RALYL: variants seen among roughly 807,000 people sequenced by gnomAD.
RALYL encodes RALY RNA binding protein like.
In RALYL, 29 loss-of-function variants were observed where a neutral mutation model predicts 35.1. The observed-to-expected ratio is 0.83, with a 90% confidence interval of 0.61 to 1.13. RALYL has a LOEUF of 1.13. RALYL is among the 50% of genes most tolerant of loss of function. The pLI, the probability that RALYL is intolerant of heterozygous loss-of-function variation, is 0.00. For missense variants in RALYL, 359 were observed against 360.4 expected, an observed-to-expected ratio of 1.00 and a Z score of 0.03; for synonymous variants, 120 against 127.6, an observed-to-expected ratio of 0.94 and a Z score of 0.40.
At chr8:84,838,009 T>C (rs567040915) in intron 4 of RALYL, among the ~76,000 whole-genome samples, 2 of 152,284 alleles carry the variant, frequency 1.3e-5, no homozygotes, top group East Asian at 3.9e-4. Context: ...CAAATAGTCA[T>C]ACTAAACTAT....
chr8:84,894,931 CTT>C (rs1383879269), intron 8 of RALYL, among the ~76,000 whole-genome samples: 1 of 152,186 alleles, frequency 6.6e-6, no homozygotes, highest in African/African-American at 2.4e-5. Flanking sequence ...AGTCCCATGA[CTT>C]TGAGCAAGCC....
chr8:84,353,537 C>T (rs918717573), intron 1 of RALYL, among the ~76,000 whole-genome samples: 3 of 150,202 alleles, frequency 2.0e-5, no homozygotes, highest in Non-Finnish European at 4.4e-5. Context: ...TATAATTTCC[C>T]TGTAGCTTGA....
At chr8:84,706,855 A>G (rs935059838) in intron 2 of RALYL, among the ~76,000 whole-genome samples, 1 of 152,170 alleles carries the variant, frequency 6.6e-6, no homozygotes, top group Non-Finnish European at 1.5e-5. Context: ...TTATCACTTT[A>G]TCTTTTCTAT....
chr8:84,786,784 G>A (rs1048010723), intron 3 of RALYL, among the ~76,000 whole-genome samples: 5 of 151,972 alleles, frequency 3.3e-5, no homozygotes, highest in Non-Finnish European at 7.4e-5. Flanking sequence ...TAAGTTGTCT[G>A]TTCACTCTGA....
chr8:84,413,887 G>A (rs2044350056), intron 1 of RALYL, among the ~76,000 whole-genome samples: 1 of 151,962 alleles, frequency 6.6e-6, no homozygotes, highest in South Asian at 2.1e-4. Flanking sequence ...AGATTTTGCT[G>A]GATGATATAA....
At chr8:84,270,574 G>T (rs1247022734) in intron 1 of RALYL, among the ~76,000 whole-genome samples, 1 of 151,804 alleles carries the variant, frequency 6.6e-6, no homozygotes, top group African/African-American at 2.4e-5. Flanking sequence ...GTGTGTGTGT[G>T]TGTGTGTGTA....
chr8:84,675,751 C>T (rs1834066343), intron 2 of RALYL, among the ~76,000 whole-genome samples: 1 of 152,192 alleles, frequency 6.6e-6, no homozygotes, highest in Non-Finnish European at 1.5e-5. Context: ...TGGCGTTTCA[C>T]CATAGTCCAT....
chr8:84,552,392 AAGC>A (rs1332483176), intron 2 of RALYL, among the ~76,000 whole-genome samples: 6 of 59,526 alleles, frequency 1.0e-4, no homozygotes, highest in Admixed American at 2.0e-4. Context: ...TTTTTTGAGA[AAGC>A]AGAGACAGCA....
intron 1 of RALYL, among the ~76,000 whole-genome samples, chr8:84,510,726 C>A (rs1216224163): frequency 6.6e-6 from 1 of 151,974 alleles, no homozygotes; most frequent in Non-Finnish European, 1.5e-5. Flanking sequence ...AGGAGAATTG[C>A]TTGAACCTGG....
At chr8:84,821,510 T>G (rs1202714517) in intron 4 of RALYL, among the ~76,000 whole-genome samples, 1 of 152,144 alleles carries the variant, frequency 6.6e-6, no homozygotes, top group Non-Finnish European at 1.5e-5. Context: ...ATGTAAAAAG[T>G]TATTTATTGC....
chr8:84,649,954 C>A (rs1002334953), intron 2 of RALYL, among the ~76,000 whole-genome samples: 14 of 152,074 alleles, frequency 9.2e-5, no homozygotes, highest in Non-Finnish European at 1.9e-4. Context: ...TCTTTTATTT[C>A]ATTGAGCAGT....
At chr8:84,849,432 C>T (rs1470216995) in intron 4 of RALYL, among the ~76,000 whole-genome samples, 1 of 152,170 alleles carries the variant, frequency 6.6e-6, no homozygotes, top group East Asian at 1.9e-4. Context: ...TATGTAGCCT[C>T]ATTGTACATA....
Position 84,647,345 on chromosome 8 carries a change from G to A in RALYL, c.256+117768G>A, listed in dbSNP as rs138882592. Among the ~76,000 whole-genome samples, 4 of 152,132 alleles carry A rather than the reference G, an allele frequency of 2.6e-5. No individual in the cohort carries two copies. The East Asian group carries it at 7.8e-4, about 30-fold the overall frequency. On this transcript the variant is annotated intron_variant, in intron 2 of 8. Coordinates refer to ENST00000521268, the MANE Select transcript of RALYL (RefSeq NM_173848.7). ...AAATGAGGGGAGCTGGACTATGGATGTGCAGGTGAATATGGAAAAGAAGAG... is the reference window on the plus strand; with the variant it reads ...AAATGAGGGGAGCTGGACTATGGATATGCAGGTGAATATGGAAAAGAAGAG...
At chr8:84,823,715 C>T (rs967753830) in intron 4 of RALYL, among the ~76,000 whole-genome samples, 1 of 152,062 alleles carries the variant, frequency 6.6e-6, no homozygotes, top group Non-Finnish European at 1.5e-5. Flanking sequence ...TTTCTTCTCT[C>T]TTTCCTCTTC....
intron 7 of RALYL, 144 bp downstream of exon 7, chr8:84,873,541 T>C (rs1840606642): frequency 4.3e-6 from 2 of 463,050 alleles, no homozygotes; most frequent in Non-Finnish European, 7.7e-6. Context: ...AAGCCCAGAG[T>C]TGCAATAATA....
At chr8:84,423,308 C>T (rs2045911159) in intron 1 of RALYL, among the ~76,000 whole-genome samples, 1 of 150,468 alleles carries the variant, frequency 6.6e-6, no homozygotes, top group South Asian at 2.1e-4. Context: ...ATGTAATGGC[C>T]TTCTTTGTCT....
chr8:84,372,884 C>CTGTTTTTTTTGTTTTGTTT lies in RALYL; in HGVS notation c.-23-156405_-23-156404insGTTTTGTTTTGTTTTTTTT, dbSNP rs1856051374. Among the ~76,000 whole-genome samples the CTGTTTTTTTTGTTTTGTTT allele has an allele frequency of 2.5e-3, 46 of 18,728 alleles. 1 individual carries two copies. The highest frequency in any genetic ancestry group is 0.013 in the African/African-American group (42 of 3,340). The allele number at this position is 18,728 out of a possible 152,430, so 12.3% of individuals were successfully genotyped here. On this transcript the variant is annotated intron_variant, in intron 1 of 8. Transcript: ENST00000521268. ...TTTTTCTCCACAACCATGCCAGCAT[C>CTGTTTTTTTTGTTTTGTTT]TGTTTTTTTTTTTTTTTTTTTTTTT...
At chr8:84,309,024 T>TACAATTATGTATAGCAATTATACTAA (rs1203639602) in intron 1 of RALYL, among the ~76,000 whole-genome samples, 10 of 151,766 alleles carry the variant, frequency 6.6e-5, no homozygotes, top group Admixed American at 2.6e-4. Flanking sequence ...GTATATACTA[T>TACAATTATGTATAGCAATTATACTAA]ACAATTATGT....
At chr8:84,589,865 C>T (rs769562728) in intron 2 of RALYL, among the ~76,000 whole-genome samples, 15 of 152,166 alleles carry the variant, frequency 9.9e-5, no homozygotes, top group Non-Finnish European at 1.9e-4. Context: ...ATTTCTATAT[C>T]ATGTAGCTTG....
Sources: allele counts gnomAD v4.1 joint callset (sites outside exome capture counted in the v4.1 genomes callset), GRCh38; gene constraint gnomAD v4.1.1; transcripts MANE v1.5; gene names NCBI Gene and HGNC (gene_info 2026-07-23, HGNC 2026-07-21).